WWOX: variants seen among roughly 807,000 people sequenced by gnomAD.
WWOX encodes WW domain-containing oxidoreductase.
Under a neutral mutation model 46.2 loss-of-function variants are expected in WWOX, and 69 were observed. The ratio of observed to expected loss-of-function variants is 1.49; its 90% CI spans 1.23 to 1.82. WWOX has a LOEUF of 1.82. Among genes scored for constraint, WWOX ranks in the 40% most tolerant of loss-of-function variants. The pLI is 0.00. For synonymous variants in WWOX, 359 were observed against 202.6 expected (o/e 1.77, Z -6.56); for missense variants, 919 against 542.6 (o/e 1.69, Z -6.89).
intron 5 of WWOX, among the ~76,000 whole-genome samples, chr16:78,226,215 C>T (rs2037049321): frequency 6.6e-6 from 1 of 152,088 alleles, no homozygotes; most frequent in African/African-American, 2.4e-5. Context: ...CTGCCCTCTC[C>T]AGTTTGAGTT....
At chr16:78,429,503 T>C (rs183816904) in intron 7 of WWOX, among the ~76,000 whole-genome samples, 132 of 152,122 alleles carry the variant, frequency 8.7e-4, no homozygotes, top group Non-Finnish European at 2.1e-4. Flanking sequence ...TAAACAAATA[T>C]GCCAAGAAGG....
At chr16:78,908,726 G>C (rs974854498) in intron 8 of WWOX, among the ~76,000 whole-genome samples, 6 of 152,106 alleles carry the variant, frequency 3.9e-5, no homozygotes, top group Admixed American at 2.6e-4. Context: ...GGGAGTTGAA[G>C]CTGGCCTCTT....
At chr16:78,598,928 C>T (rs2045556999) in intron 8 of WWOX, among the ~76,000 whole-genome samples, 1 of 152,172 alleles carries the variant, frequency 6.6e-6, no homozygotes, top group Non-Finnish European at 1.5e-5. Flanking sequence ...TCCCGCCTCT[C>T]AACAGGGAAA....
intron 8 of WWOX, among the ~76,000 whole-genome samples, chr16:79,120,099 C>G (rs1240968880): frequency 6.6e-6 from 1 of 152,158 alleles, no homozygotes; most frequent in Non-Finnish European, 1.5e-5. Flanking sequence ...TTTCACTTAA[C>G]ATCCTGCCGT....
At chr16:78,956,198 TGCAGTG>T (rs1466366127) in intron 8 of WWOX, among the ~76,000 whole-genome samples, 1 of 151,992 alleles carries the variant, frequency 6.6e-6, no homozygotes, top group Admixed American at 6.6e-5. Context: ...CAGGCTGGAG[TGCAGTG>T]GCACCACCTC....
intron 8 of WWOX, among the ~76,000 whole-genome samples, chr16:78,665,259 A>G (rs1280208212): frequency 3.9e-5 from 6 of 152,194 alleles, no homozygotes; most frequent in Non-Finnish European, 8.8e-5. Flanking sequence ...ACATCTTGCC[A>G]CGCACATCCT....
chr16:78,492,061 A>T (rs1017395640), intron 8 of WWOX, among the ~76,000 whole-genome samples: 1 of 152,070 alleles, frequency 6.6e-6, no homozygotes, highest in African/African-American at 2.4e-5. Flanking sequence ...CTTTGGGGTT[A>T]GTCTCTGGGT....
intron 5 of WWOX, among the ~76,000 whole-genome samples, chr16:78,315,935 C>A (rs553380002): frequency 6.6e-6 from 1 of 151,982 alleles, no homozygotes; most frequent in Non-Finnish European, 1.5e-5. Flanking sequence ...TTCTCGTTTT[C>A]TTTTGTTTTT....
intron 1 of WWOX, among the ~76,000 whole-genome samples, chr16:78,102,629 G>T (rs2031871086): frequency 6.6e-6 from 1 of 152,208 alleles, no homozygotes; most frequent in Non-Finnish European, 1.5e-5. Context: ...ACATGTCACT[G>T]CCCAAGAGAC....
At chr16:78,461,595 C>T (rs2083950621) in intron 8 of WWOX, among the ~76,000 whole-genome samples, 1 of 152,190 alleles carries the variant, frequency 6.6e-6, no homozygotes, top group Admixed American at 6.5e-5. Context: ...CCAGGAGCTG[C>T]TGTTATTTCA....
rs148347398 is a variant in WWOX, at chr16:78,704,189, T to A, written c.1056+271437T>A. ...TGTTCCCTGTGGCAACTATGTAACCTCTCTGAGCCTCAACATCTGTCTATA... is the reference window on the plus strand; with the variant it reads ...TGTTCCCTGTGGCAACTATGTAACCACTCTGAGCCTCAACATCTGTCTATA... On this transcript the variant is annotated intron_variant, in intron 8 of 8. Transcript: ENST00000566780. 4.6e-4 allele frequency among the ~76,000 whole-genome samples: 70 copies of A among 151,830 alleles called. No homozygotes were observed. The East Asian group carries it at 0.013, about 28-fold the overall frequency.
chr16:78,104,189 C>A (rs2031984492), intron 1 of WWOX, among the ~76,000 whole-genome samples: 1 of 150,948 alleles, frequency 6.6e-6, no homozygotes, highest in Admixed American at 6.6e-5. Flanking sequence ...GCTGTCCTCA[C>A]CGTGAAGTCT....
chr16:78,979,052 T>G (rs62036032), intron 8 of WWOX, among the ~76,000 whole-genome samples: 3,980 of 150,956 alleles, frequency 0.026, 91 homozygotes, highest in Non-Finnish European at 0.044. Flanking sequence ...TACGGCCAGG[T>G]CTCCTTCGTC....
intron 8 of WWOX, 77 bp downstream of exon 8, chr16:78,432,829 C>G: frequency 6.2e-7 from 1 of 1,605,802 alleles, no homozygotes. Flanking sequence ...CACCTTTTTA[C>G]CTCTTGCGGG....
intron 8 of WWOX, among the ~76,000 whole-genome samples, chr16:79,211,034 A>AGTGTGTGT (rs58334968): frequency 0.2 from 29,532 of 149,520 alleles, 3,287 homozygotes; most frequent in East Asian, 0.43. Flanking sequence ...TATGGTGAGG[A>AGTGTGTGT]GTGTGTGTGT....
intron 5 of WWOX, among the ~76,000 whole-genome samples, chr16:78,383,565 A>C (rs751193050): frequency 2.0e-5 from 3 of 152,174 alleles, no homozygotes; most frequent in Non-Finnish European, 2.9e-5. Flanking sequence ...GCAATCTGTC[A>C]GCCACTACCT....
At chr16:78,735,487 C>T (rs147178571) in intron 8 of WWOX, among the ~76,000 whole-genome samples, 43 of 152,062 alleles carry the variant, frequency 2.8e-4, no homozygotes, top group East Asian at 9.7e-4. Flanking sequence ...CCTGTTTTGA[C>T]GTGCTTGAAC....
At chr16:78,523,541 G>C (rs2043394223) in intron 8 of WWOX, among the ~76,000 whole-genome samples, 1 of 152,196 alleles carries the variant, frequency 6.6e-6, no homozygotes, top group East Asian at 1.9e-4. Context: ...TCTCTATCTG[G>C]GTGATGGTGT....
rs766354024 is a variant in WWOX, at chr16:78,482,914, ACAGT to A, written c.1056+50165_1056+50168del. ...ATCTGTTAAAAGGCATGAAAAAGAA[ACAGT>A]CATTCATATCTGTTCGTAGAAGTGG... On this transcript the variant is annotated intron_variant, in intron 8 of 8. Coordinates refer to ENST00000566780, the MANE Select transcript of WWOX (RefSeq NM_016373.4). 5.3e-5 allele frequency among the ~76,000 whole-genome samples: 8 copies of A among 152,318 alleles called. No individual in the cohort carries two copies. In the South Asian group the frequency reaches 1.0e-3, roughly 20 times the overall value.
Sources: allele counts gnomAD v4.1 joint callset (sites outside exome capture counted in the v4.1 genomes callset), GRCh38; gene constraint gnomAD v4.1.1; transcripts MANE v1.5; gene names NCBI Gene and HGNC (gene_info 2026-07-23, HGNC 2026-07-21).